The following VPS13D variants were observed in gnomAD, a reference collection of about 807,000 sequenced individuals.
VPS13D encodes the protein vacuolar protein sorting 13 homolog D, also known as intermembrane lipid transfer protein VPS13D.
In VPS13D, 187 loss-of-function variants were observed where a neutral mutation model predicts 461.9. That is an observed-to-expected ratio of 0.40 (90% CI 0.36 to 0.46). The LOEUF (loss-of-function observed/expected upper bound fraction) is 0.46. Among genes scored for constraint, VPS13D ranks in the 20% least tolerant of loss-of-function variants. The pLI, the probability that VPS13D is intolerant of heterozygous loss-of-function variation, is 0.60. For synonymous variants in VPS13D, 1,951 were observed against 1,986.3 expected (o/e 0.98, Z 0.47); for missense variants, 4,711 against 5,364.9 (o/e 0.88, Z 3.81).
At chr1:12,399,382 A>C (rs992661821) in intron 60 of VPS13D, among the ~76,000 whole-genome samples, 1 of 151,672 alleles carries the variant, frequency 6.6e-6, no homozygotes, top group Non-Finnish European at 1.5e-5. Flanking sequence ...TTTGTAGTAG[A>C]GACGGGGTTT....
intron 21 of VPS13D, among the ~76,000 whole-genome samples, chr1:12,285,967 CCTTTCCTTTCCTTTCCTTTCCTT>C (rs1641956522): frequency 3.8e-4 from 51 of 135,692 alleles, no homozygotes; most frequent in Non-Finnish European, 5.6e-4. Flanking sequence ...CCTTTCCTTT[CCTTTCCTTTCCTTTCCTTTCCTT>C]TCCTCTCCTC....
Position 12,363,181 on chromosome 1 carries a change from T to C in VPS13D, c.10382T>C (p.Val3461Ala). 6.2e-7 allele frequency: 1 copy of C among 1,614,214 alleles called. No homozygotes were observed. The highest frequency in any genetic ancestry group is 8.5e-7 in the Non-Finnish European group (1 of 1,180,024). ...DQLLCVRLMD[V>A]PNCIWSGGFE... ...CTATTGTGTGTCAGACTGATGGACG[T>C]TCCCAATTGTATTTGGTCTGGAGGC... Residue 3461 changes from valine (V) to alanine (A), a missense_variant, in exon 52 of 70, where the codon GTT becomes GCT. By Grantham distance (64) the Val-to-Ala change is moderately conservative (BLOSUM62 0). This residue lies in a region of VPS13D where 4,411 missense variants were observed against 4,937.8 expected (regional missense o/e 0.89). Transcript: ENST00000620676.
intron 65 of VPS13D, among the ~76,000 whole-genome samples, chr1:12,450,813 C>G (rs912882445): frequency 1.2e-4 from 18 of 152,206 alleles, no homozygotes; most frequent in African/African-American, 4.3e-4. Flanking sequence ...CAAGGAGCAT[C>G]TGTACTTGGA....
rs181398898 is a variant in VPS13D, at chr1:12,363,537, C to T, written c.10448+290C>T. On this transcript the variant is annotated intron_variant, in intron 52 of 69. Coordinates refer to ENST00000620676, the MANE Select transcript of VPS13D (RefSeq NM_015378.4). ...AGGTCTGTCTGCATTTAGATGGTAA[C>T]GCTCATTATAAATATTTTTGTATAT... Among the ~76,000 whole-genome samples, 136 of 152,250 alleles carry T rather than the reference C, an allele frequency of 8.9e-4. 1 individual carries two copies. The highest frequency in any genetic ancestry group is 1.6e-3 in the Non-Finnish European group (109 of 68,014).
intron 60 of VPS13D, among the ~76,000 whole-genome samples, chr1:12,390,486 G>C (rs1298829859): frequency 6.6e-6 from 1 of 152,196 alleles, no homozygotes; most frequent in Non-Finnish European, 1.5e-5. Flanking sequence ...CTTGGTCAGA[G>C]GCAATGCTGT....
At chr1:12,426,526 C>T (rs1326304784) in intron 65 of VPS13D, among the ~76,000 whole-genome samples, 8 of 152,182 alleles carry the variant, frequency 5.3e-5, no homozygotes, top group Admixed American at 5.2e-4. Context: ...AGAAAATAAA[C>T]TCATTGTCCC....
At chr1:12,284,898 G>A (rs902122438) in intron 21 of VPS13D, among the ~76,000 whole-genome samples, 3 of 152,208 alleles carry the variant, frequency 2.0e-5, no homozygotes, top group African/African-American at 7.2e-5. Context: ...GGTACTTTTG[G>A]TTTAGCAAGG....
chr1:12,348,004 G>C (rs1186934378), intron 44 of VPS13D, among the ~76,000 whole-genome samples: 1 of 152,156 alleles, frequency 6.6e-6, no homozygotes, highest in Admixed American at 6.6e-5. Context: ...TCCTTTTTAT[G>C]AACAAGTGAT....
In VPS13D at chr1:12,396,029, A is replaced by ATATATATATATATATGTATT. The variant is rs1553187933; in HGVS notation, c.11635-4152_11635-4151insTATATATATATATATGTATT. Reference sequence around the variant, plus strand: ...TATATATATATATATATATATATATAGTTCTTTAAGATCAATAAAATTAAT... The same window carrying ATATATATATATATATGTATT: ...TATATATATATATATATATATATATATATATATATATATATGTATTGTTCTTTAAGATCAATAAAATTAAT... On this transcript the variant is annotated intron_variant, in intron 60 of 69. Coordinates refer to ENST00000620676, the MANE Select transcript of VPS13D (RefSeq NM_015378.4). Among the ~76,000 whole-genome samples, 156 of 119,796 alleles carry ATATATATATATATATGTATT rather than the reference A, an allele frequency of 1.3e-3. 2 individuals carry two copies. Among genetic ancestry groups the ATATATATATATATATGTATT allele is most frequent in the South Asian group, 2.5e-3 (10 of 4,072 alleles). 78.6% of individuals were successfully genotyped at this position (119,796 alleles called of 152,430 possible). A position where few individuals can be genotyped will look rare whatever the true frequency, so the allele number is the denominator to read the frequency against.
intron 31 of VPS13D, 98 bp from the exon 32 acceptor site, chr1:12,319,399 T>G (rs1029098479): frequency 6.5e-7 from 1 of 1,531,304 alleles, no homozygotes; most frequent in African/African-American, 1.4e-5. Context: ...TGGTTCATGT[T>G]GTTGCCTGGT....
intron 66 of VPS13D, among the ~76,000 whole-genome samples, chr1:12,457,849 G>T (rs1400000312): frequency 6.6e-6 from 1 of 152,194 alleles, no homozygotes; most frequent in African/African-American, 2.4e-5. Flanking sequence ...TTTGTTTATG[G>T]ATTTTAAAAG....
intron 59 of VPS13D, among the ~76,000 whole-genome samples, chr1:12,385,818 CTG>C (rs1193938169): frequency 6.6e-6 from 1 of 152,186 alleles, no homozygotes; most frequent in African/African-American, 2.4e-5. Context: ...GTGTAAAACA[CTG>C]TGTTGGGTGC....
Position 12,232,056 on chromosome 1 carries a change from A to T in VPS13D, c.-77+1936A>T, listed in dbSNP as rs78730771. Among the ~76,000 whole-genome samples, 898 of 152,244 alleles carry T rather than the reference A, an allele frequency of 5.9e-3. 9 individuals carry two copies. Among genetic ancestry groups the T allele is most frequent in the African/African-American group, 0.017 (712 of 41,552 alleles). On this transcript the variant is annotated intron_variant, in intron 1 of 69. Transcript: ENST00000620676. ...ATTCAGACTGTTGAGCATTTTTTTTAAAAAATTGTTCTTATAACATCTTCT... is the reference window on the plus strand; with the variant it reads ...ATTCAGACTGTTGAGCATTTTTTTTTAAAAATTGTTCTTATAACATCTTCT...
intron 65 of VPS13D, among the ~76,000 whole-genome samples, chr1:12,426,676 C>A (rs978799325): frequency 3.9e-5 from 6 of 152,026 alleles, no homozygotes; most frequent in African/African-American, 1.5e-4. Context: ...AATTAAGAAG[C>A]CAGAGGGAGA....
At chr1:12,281,351 T>C (rs184164576) in intron 20 of VPS13D, among the ~76,000 whole-genome samples, 27 of 152,322 alleles carry the variant, frequency 1.8e-4, no homozygotes, top group African/African-American at 6.3e-4. Context: ...TGTGTAGGTC[T>C]CTGTTCATCT....
intron 22 of VPS13D, among the ~76,000 whole-genome samples, chr1:12,290,547 C>G (rs571720738): frequency 6.6e-6 from 1 of 152,046 alleles, no homozygotes; most frequent in African/African-American, 2.4e-5. Context: ...ACGGTGAAAC[C>G]CCGTCTCTAC....
At chr1:12,429,290 C>CT (rs796827900) in intron 65 of VPS13D, among the ~76,000 whole-genome samples, 1,887 of 147,246 alleles carry the variant, frequency 0.013, 32 homozygotes, top group African/African-American at 0.042. Context: ...ACAAACAAAC[C>CT]TTTTTTTTTT....
At chr1:12,317,045 AT>A (rs1441327361) in intron 30 of VPS13D, among the ~76,000 whole-genome samples, 1 of 129,784 alleles carries the variant, frequency 7.7e-6, no homozygotes, top group Non-Finnish European at 1.5e-5. Context: ...GGGGACATTT[AT>A]CCCTGGTAAA....
chr1:12,496,902 G>A (rs1199202773), intron 67 of VPS13D, among the ~76,000 whole-genome samples: 3 of 152,068 alleles, frequency 2.0e-5, no homozygotes, highest in Non-Finnish European at 4.4e-5. Context: ...TCCAGGTCCA[G>A]GGGGCATTCT....
Sources: allele counts gnomAD v4.1 joint callset (sites outside exome capture counted in the v4.1 genomes callset), GRCh38; gene constraint gnomAD v4.1.1; regional missense constraint gnomAD v4.1.1; transcripts MANE v1.5; gene names NCBI Gene and HGNC (gene_info 2026-07-23, HGNC 2026-07-21).